TCAIM: variants seen among roughly 807,000 people sequenced by gnomAD.
TCAIM encodes T cell activation inhibitor, mitochondrial.
A neutral mutation model predicts 58.6 loss-of-function variants in TCAIM; 36 were observed. The ratio of observed to expected loss-of-function variants is 0.61; its 90% CI spans 0.47 to 0.81. The LOEUF (loss-of-function observed/expected upper bound fraction) is 0.81. Among genes scored for constraint, TCAIM ranks in the 30% least tolerant of loss-of-function variants. The pLI is 0.00. For missense variants in TCAIM, 466 were observed against 579.6 expected (o/e 0.80, Z 2.01); for synonymous variants, 172 against 193.6 (o/e 0.89, Z 0.93).
intron 5 of TCAIM, among the ~76,000 whole-genome samples, chr3:44,392,178 A>T (rs1044112645): frequency 1.1e-4 from 16 of 152,202 alleles, no homozygotes; most frequent in South Asian, 1.0e-3. Context: ...CTAGAATATG[A>T]TTTGACAGGT....
chr3:44,349,385 AGGCGTT>A (rs1187007752), intron 1 of TCAIM, among the ~76,000 whole-genome samples: 1 of 152,176 alleles, frequency 6.6e-6, no homozygotes, highest in African/African-American at 2.4e-5. Context: ...GAAGAAAATA[AGGCGTT>A]TAGGTTTTAG....
At chr3:44,362,590 G>A (rs1321175861) in intron 4 of TCAIM, 6 of 393,424 alleles carry the variant, frequency 1.5e-5, no homozygotes, top group Non-Finnish European at 2.7e-5. Flanking sequence ...CCTTTTCTTG[G>A]CAGTTTCTCC....
At chr3:44,402,449 G>T (rs532950293) in intron 10 of TCAIM, among the ~76,000 whole-genome samples, 7 of 152,176 alleles carry the variant, frequency 4.6e-5, no homozygotes, top group African/African-American at 1.7e-4. Context: ...AAGCAGTATT[G>T]TTTTTATGTT....
At chr3:44,387,542 A>G (rs1160935223) in intron 5 of TCAIM, among the ~76,000 whole-genome samples, 1 of 152,196 alleles carries the variant, frequency 6.6e-6, no homozygotes, top group Admixed American at 6.5e-5. Context: ...GCAGCCTTGC[A>G]TGGAGCCAGT....
intron 10 of TCAIM, among the ~76,000 whole-genome samples, chr3:44,406,947 A>G (rs997650542): frequency 1.3e-5 from 2 of 152,134 alleles, no homozygotes; most frequent in Non-Finnish European, 2.9e-5. Flanking sequence ...GAGGGGAGGG[A>G]ACAGACAGGG....
chr3:44,378,540 G>C (rs577337674), intron 5 of TCAIM, among the ~76,000 whole-genome samples: 1 of 152,244 alleles, frequency 6.6e-6, no homozygotes, highest in African/African-American at 2.4e-5. Context: ...AAATGCAGCT[G>C]GGTGCGGTGG....
chr3:44,378,343 G>A (rs1701599324), intron 5 of TCAIM, among the ~76,000 whole-genome samples: 1 of 151,922 alleles, frequency 6.6e-6, no homozygotes, highest in African/African-American at 2.4e-5. Context: ...TCGTGCCACT[G>A]CACTCCAGCC....
intron 1 of TCAIM, among the ~76,000 whole-genome samples, chr3:44,343,771 G>A (rs537405210): frequency 4.6e-5 from 7 of 152,192 alleles, no homozygotes; most frequent in Admixed American, 4.6e-4. Flanking sequence ...CATTTTTTTA[G>A]TGCTCTCTTT....
chr3:44,358,913 T>TA, intron 3 of TCAIM: 1 of 985,416 alleles, frequency 1.0e-6, no homozygotes, highest in Non-Finnish European at 1.2e-6. Context: ...CTGATTATGA[T>TA]ATGTGATATG....
At position 44,408,432 on chromosome 3, in the gene TCAIM, G is replaced by A. The variant is rs1368418394; in HGVS notation, c.*750G>A. ...AAGACTAGAAGGACTAAAAGCAGTT[G>A]AATGTATGGTACTGACATTGTCATA... On this transcript the variant is annotated 3_prime_UTR_variant, in exon 11 of 11. Transcript: ENST00000342649. 1 of 152,206 alleles carries A rather than the reference G, an allele frequency of 6.6e-6. No individual in the cohort carries two copies. Among genetic ancestry groups the A allele is most frequent in the African/African-American group, 2.4e-5 (1 of 41,450 alleles). The allele number at this position is 152,206 out of a possible 1,614,324, so 9.4% of individuals were successfully genotyped here. A position where few individuals can be genotyped will look rare whatever the true frequency, so the allele number is the denominator to read the frequency against.
In TCAIM at chr3:44,372,057, GGAAGGAA is replaced by G. The variant is rs1475670025; in HGVS notation, c.572+4351_572+4357del. Among the ~76,000 whole-genome samples, 251 of 148,224 alleles carry G rather than the reference GGAAGGAA, an allele frequency of 1.7e-3. 2 individuals carry two copies. Among genetic ancestry groups the G allele is most frequent in the African/African-American group, 4.4e-3 (175 of 39,818 alleles). On this transcript the variant is annotated intron_variant, in intron 5 of 10. Coordinates refer to ENST00000342649, the MANE Select transcript of TCAIM (RefSeq NM_173826.4). ...AGGAAGGAAGGAAGGAAGGAAGGAA[GGAAGGAA>G]GGAAGGAAGGAAGATACAGTATTAG...
At chr3:44,367,753 G>A (rs1200402556) in intron 5 of TCAIM, 45 bp downstream of exon 5, 1 of 1,506,246 alleles carries the variant, frequency 6.6e-7, no homozygotes, top group East Asian at 2.3e-5. Flanking sequence ...TGTAGTTTGT[G>A]TTTATGACAC....
chr3:44,394,860 C>CTCCG lies in TCAIM; in HGVS notation c.696-1539_696-1536dup, dbSNP rs1388754958. Among the ~76,000 whole-genome samples, 3 of 129,708 alleles carry CTCCG rather than the reference C, an allele frequency of 2.3e-5. No homozygotes were observed. The East Asian group carries it at 7.0e-4, about 30-fold the overall frequency. The allele number at this position is 129,708 out of a possible 152,430, so 85.1% of individuals were successfully genotyped here. A position where few individuals can be genotyped will look rare whatever the true frequency, so the allele number is the denominator to read the frequency against. The stretch of plus-strand genomic sequence containing the variant: ...AGTGAGCCGAGATCACGCCACTGCA[C>CTCCG]TCCGGCCTGGGCAACAGAGCGAGAC... On this transcript the variant is annotated intron_variant, in intron 6 of 10. Coordinates refer to ENST00000342649, the MANE Select transcript of TCAIM (RefSeq NM_173826.4).
chr3:44,382,928 TTGAATAGACA>T (rs1389091924), intron 5 of TCAIM, among the ~76,000 whole-genome samples: 2 of 152,124 alleles, frequency 1.3e-5, no homozygotes, highest in African/African-American at 4.8e-5. Context: ...GGCAAAGGAC[TTGAATAGACA>T]TTTCTCCAAA....
chr3:44,353,578 A>G (rs1246911118), intron 1 of TCAIM, among the ~76,000 whole-genome samples: 1 of 152,230 alleles, frequency 6.6e-6, no homozygotes, highest in African/African-American at 2.4e-5. Flanking sequence ...GTTGCCACAC[A>G]TCCTTATCAG....
chr3:44,401,092 G>C, intron 9 of TCAIM, 111 bp from the exon 10 acceptor site: 1 of 1,457,174 alleles, frequency 6.9e-7, no homozygotes, highest in Non-Finnish European at 9.2e-7. Context: ...CTTTTGAGGT[G>C]GCTTTTCTTG....
intron 5 of TCAIM, among the ~76,000 whole-genome samples, chr3:44,372,188 C>T (rs201661455): frequency 6.6e-6 from 1 of 152,090 alleles, no homozygotes; most frequent in East Asian, 1.9e-4. Context: ...TTTTGGTACC[C>T]GTGGGTGGGC....
intron 4 of TCAIM, among the ~76,000 whole-genome samples, chr3:44,364,345 T>C (rs1380725900): frequency 6.6e-6 from 1 of 152,102 alleles, no homozygotes; most frequent in Non-Finnish European, 1.5e-5. Flanking sequence ...AAAGAGTTTT[T>C]ACAAATTAAA....
chr3:44,339,252 CCTT>C (rs1267031125), intron 1 of TCAIM, among the ~76,000 whole-genome samples: 1 of 152,186 alleles, frequency 6.6e-6, no homozygotes, highest in African/African-American at 2.4e-5. Flanking sequence ...TTTTGTCCCT[CCTT>C]GATATAACAA....
Sources: allele counts gnomAD v4.1 joint callset (sites outside exome capture counted in the v4.1 genomes callset), GRCh38; gene constraint gnomAD v4.1.1; transcripts MANE v1.5; gene names NCBI Gene and HGNC (gene_info 2026-07-23, HGNC 2026-07-21).